ANKRD36C: variants seen among roughly 807,000 people sequenced by gnomAD.
ANKRD36C encodes the protein ankyrin repeat domain 36C, also known as ankyrin repeat domain-containing protein 36C.
In ANKRD36C, 61 loss-of-function variants were observed where a neutral mutation model predicts 276.4. The ratio of observed to expected loss-of-function variants is 0.22; its 90% CI spans 0.18 to 0.27. ANKRD36C has a LOEUF of 0.27. Among genes scored for constraint, ANKRD36C ranks in the 10% least tolerant of loss-of-function variants. The probability of loss-of-function intolerance (pLI) is 1.00; values close to 1 mark genes in which losing one functional copy is unlikely to be tolerated. For synonymous variants in ANKRD36C, 483 were observed against 680.1 expected (o/e 0.71, Z 4.51); for missense variants, 1,447 against 2,032.3 (o/e 0.71, Z 5.54).
intron 42 of ANKRD36C, 118 bp from the exon 47 acceptor site, chr2:95,908,815 T>A: frequency 6.7e-7 from 1 of 1,499,000 alleles, no homozygotes; most frequent in East Asian, 2.5e-5. Context: ...TAGGCTTTGA[T>A]GGCTTCTACT....
chr2:95,924,656 T>A lies in ANKRD36C; in HGVS notation c.2041+696A>T, dbSNP rs1421093896. 4.0e-5 allele frequency among the ~76,000 whole-genome samples: 6 copies of A among 151,620 alleles called. No homozygotes were observed. In the East Asian group the frequency reaches 7.8e-4, roughly 20 times the overall value. Reference sequence around the variant, plus strand: ...AATTTTAACTCATTTGAATAACTAATAAAAAATATATGTCTGATGTCTGAT... The same window carrying A: ...AATTTTAACTCATTTGAATAACTAAAAAAAAATATATGTCTGATGTCTGAT... On this transcript the variant is annotated intron_variant, in intron 30 of 66. Transcript: ENST00000456556.
intron 44 of ANKRD36C, chr2:95,894,374 C>A (rs1573747335): frequency 6.6e-6 from 1 of 152,432 alleles, no homozygotes; most frequent in Non-Finnish European, 1.5e-5. Context: ...GTTTCTTCAT[C>A]CACTCATGGC....
At chr2:95,871,140 C>T (rs1411229726) in intron 59 of ANKRD36C, among the ~76,000 whole-genome samples, 1 of 152,148 alleles carries the variant, frequency 6.6e-6, no homozygotes, top group Non-Finnish European at 1.5e-5. Context: ...GGCAGGCCAA[C>T]ATTCAGATTC....
chr2:95,947,034 T>TATAAAAAA (rs946476854), intron 17 of ANKRD36C, among the ~76,000 whole-genome samples: 1 of 151,538 alleles, frequency 6.6e-6, no homozygotes, highest in Non-Finnish European at 1.5e-5. Context: ...AGTATAATAA[T>TATAAAAAA]ATAAAAAAAT....
chr2:95,918,795 A>G (rs1189114578), intron 34 of ANKRD36C, among the ~76,000 whole-genome samples: 3 of 151,216 alleles, frequency 2.0e-5, no homozygotes, highest in Non-Finnish European at 4.4e-5. Context: ...AGCGTTAGAT[A>G]TTGAGCAGTT....
intron 5 of ANKRD36C, among the ~76,000 whole-genome samples, chr2:95,978,616 A>G (rs994089839): frequency 5.9e-5 from 9 of 152,156 alleles, no homozygotes; most frequent in African/African-American, 2.2e-4. Flanking sequence ...ATAGTAAAGC[A>G]GTGGAGCTTG....
At chr2:95,971,151 G>A (rs1232010688) in intron 6 of ANKRD36C, among the ~76,000 whole-genome samples, 4 of 152,054 alleles carry the variant, frequency 2.6e-5, no homozygotes, top group Non-Finnish European at 5.9e-5. Context: ...TCAAAACTAT[G>A]GGGACAGCAA....
chr2:95,980,850 A>G, intron 4 of ANKRD36C, 65 bp from the exon 5 acceptor site: 1 of 1,521,830 alleles, frequency 6.6e-7, no homozygotes, highest in East Asian at 2.5e-5. Flanking sequence ...TATATACTTT[A>G]TCAACTTAAT....
intron 42 of ANKRD36C, chr2:95,907,318 C>CAT (rs1257081188): frequency 4.6e-4 from 32 of 69,968 alleles, no homozygotes; most frequent in Non-Finnish European, 8.5e-4. Flanking sequence ...GTACACTTAA[C>CAT]ATATCTTCAG....
At chr2:95,888,368 A>C (rs1676252262) in intron 48 of ANKRD36C, among the ~76,000 whole-genome samples, 2 of 151,844 alleles carry the variant, frequency 1.3e-5, no homozygotes, top group South Asian at 4.1e-4. Flanking sequence ...ACTAAAATAA[A>C]ACCATGTCAA....
Position 95,919,065 on chromosome 2 carries a change from A to G in ANKRD36C, c.2246-1023T>C, listed in dbSNP as rs534987391. On this transcript the variant is annotated intron_variant, in intron 34 of 66. Coordinates refer to ENST00000456556, the Ensembl canonical transcript of ANKRD36C. ...ATCTCTGATGCCTAATAGTAACAAA[A>G]AGGAGTAATGAGTCAGTGTGCTTTA... Among the ~76,000 whole-genome samples, 19 of 136,164 alleles carry G rather than the reference A, an allele frequency of 1.4e-4. 2 individuals are homozygous for G. In the East Asian group the frequency reaches 3.9e-3, roughly 28 times the overall value. 89.3% of individuals were successfully genotyped at this position (136,164 alleles called of 152,430 possible).
At chr2:95,966,851 G>C (rs943160009) in intron 6 of ANKRD36C, among the ~76,000 whole-genome samples, 25 of 152,222 alleles carry the variant, frequency 1.6e-4, no homozygotes, top group African/African-American at 5.8e-4. Context: ...GTGGTGGTTT[G>C]TAGTTCTCCT....
At chr2:95,916,162 C>T (rs765164062) in exon 37 of ANKRD36C, 21 of 1,604,670 alleles carry the variant, frequency 1.3e-5, no homozygotes, top group East Asian at 1.1e-4. Context: ...TGGTTTTTTC[C>T]GAGAAGACAC....
At position 95,885,118 on chromosome 2, in the gene ANKRD36C, A is replaced by G. The variant is rs184303798; in HGVS notation, c.3164-750T>C. Among the ~76,000 whole-genome samples, 685 of 152,092 alleles carry G rather than the reference A, an allele frequency of 4.5e-3. 4 individuals are homozygous for G. The highest frequency in any genetic ancestry group is 0.016 in the African/African-American group (659 of 41,508). ...AGAGTAAAACTGCTACAAGCGTTAG[A>G]TATTAATATGTTTTACATTCACAAA... On this transcript the variant is annotated intron_variant, in intron 52 of 66. Transcript: ENST00000456556.
chr2:95,925,227 G>A (rs1233317345), intron 30 of ANKRD36C, 125 bp downstream of exon 30: 4 of 1,459,974 alleles, frequency 2.7e-6, no homozygotes, highest in Non-Finnish European at 2.8e-6. Flanking sequence ...TACTAGAAAT[G>A]CACAATCTCA....
chr2:95,916,632 A>C (rs1677104635), intron 36 of ANKRD36C, among the ~76,000 whole-genome samples: 1 of 151,656 alleles, frequency 6.6e-6, no homozygotes, highest in Non-Finnish European at 1.5e-5. Context: ...AAGGCACACA[A>C]TTCCGATGAC....
At chr2:95,888,613 G>GTC (rs1471195726) in intron 48 of ANKRD36C, among the ~76,000 whole-genome samples, 3 of 151,672 alleles carry the variant, frequency 2.0e-5, no homozygotes, top group African/African-American at 7.3e-5. Flanking sequence ...TACACTTTAC[G>GTC]TCTCTTCAGT....
At chr2:95,947,681 AG>A (rs1050830478) in intron 17 of ANKRD36C, among the ~76,000 whole-genome samples, 2 of 152,182 alleles carry the variant, frequency 1.3e-5, no homozygotes, top group African/African-American at 4.8e-5. Context: ...CTTATCAAAC[AG>A]GTTGTTATTT....
chr2:95,910,399 T>G (rs1355014521), intron 42 of ANKRD36C: 4 of 1,549,400 alleles, frequency 2.6e-6, no homozygotes, highest in Non-Finnish European at 3.5e-6. Flanking sequence ...TCCATCCTTT[T>G]CTTCTCTGGC....
Sources: allele counts gnomAD v4.1 joint callset (sites outside exome capture counted in the v4.1 genomes callset), GRCh38; gene constraint gnomAD v4.1.1; transcripts MANE v1.5; gene names NCBI Gene and HGNC (gene_info 2026-07-23, HGNC 2026-07-21).